The following SDK2 variants were observed in gnomAD, a reference collection of about 807,000 sequenced individuals.
SDK2 encodes the protein protein sidekick-2.
SDK2 carries 105 observed loss-of-function variants against 253.9 expected under a neutral mutation model. That is an observed-to-expected ratio of 0.41 (90% CI 0.35 to 0.49). SDK2 has a LOEUF of 0.49. Among genes scored for constraint, SDK2 ranks in the 20% least tolerant of loss-of-function variants. The pLI is 0.06. For synonymous variants in SDK2, 1,249 were observed against 1,234.9 expected, an observed-to-expected ratio of 1.01 and a Z score of -0.24; for missense variants, 2,608 against 3,003.0, an observed-to-expected ratio of 0.87 and a Z score of 3.07.
chr17:73,470,329 G>A (rs566362019), intron 3 of SDK2, among the ~76,000 whole-genome samples: 31 of 151,882 alleles, frequency 2.0e-4, no homozygotes, highest in African/African-American at 2.7e-4. Context: ...GCACACACCC[G>A]CACATATACA....
At chr17:73,554,726 T>C (rs9913193) in intron 1 of SDK2, among the ~76,000 whole-genome samples, 40,977 of 152,162 alleles carry the variant, frequency 0.27, 5,665 homozygotes, top group East Asian at 0.48. Flanking sequence ...CATCCTCCTC[T>C]ATCTCTGCAA....
At position 73,455,865 on chromosome 17, in the gene SDK2, A is replaced by G; in HGVS notation, c.479+41T>C. 2 of 1,506,182 alleles carry G rather than the reference A, an allele frequency of 1.3e-6. No homozygotes were observed. The highest frequency in any genetic ancestry group is 1.8e-6 in the Non-Finnish European group (2 of 1,127,568). The allele number at this position is 1,506,182 out of a possible 1,614,324, so 93.3% of individuals were successfully genotyped here. A position where few individuals can be genotyped will look rare whatever the true frequency, so the allele number is the denominator to read the frequency against. Reference sequence around the variant, plus strand: ...TCTGGCCCCAAACCTCCTCCCCCAGACACCCCTCCCCTCCCCGTCCCCTCA... The same window carrying G: ...TCTGGCCCCAAACCTCCTCCCCCAGGCACCCCTCCCCTCCCCGTCCCCTCA... On this transcript the variant is annotated intron_variant, in intron 4 of 44. Coordinates refer to ENST00000392650, the MANE Select transcript of SDK2 (RefSeq NM_001144952.2). This position sits in a 1 kb window ranked among gnomAD's most constrained non-coding sequence, Gnocchi z 5.0.
chr17:73,569,603 G>T (rs533781505), intron 1 of SDK2, among the ~76,000 whole-genome samples: 1 of 145,846 alleles, frequency 6.9e-6, no homozygotes, highest in Non-Finnish European at 1.5e-5. Context: ...CACCCCCAAC[G>T]AATTAAATCA....
chr17:73,399,304 C>T lies in SDK2; in HGVS notation c.2972-15G>A, dbSNP rs767807054. On this transcript the variant is annotated splice_polypyrimidine_tract_variant and intron_variant, in intron 21 of 44. Coordinates refer to ENST00000392650, the MANE Select transcript of SDK2 (RefSeq NM_001144952.2). ...CCCTGGGAGTTCTGGAAAAGGAGAA[C>T]AGGGTGGGGAAGGAGATCCGGTGAG... 3.7e-5 allele frequency: 59 copies of T among 1,613,374 alleles called. No homozygotes were observed. The highest frequency in any genetic ancestry group is 2.1e-5 in the Non-Finnish European group (25 of 1,179,708).
At chr17:73,506,106 A>T (rs1302766641) in intron 2 of SDK2, among the ~76,000 whole-genome samples, 1 of 152,248 alleles carries the variant, frequency 6.6e-6, no homozygotes, top group African/African-American at 2.4e-5. Flanking sequence ...CACGTGTGGT[A>T]TGCCATCCCA....
intron 44 of SDK2, among the ~76,000 whole-genome samples, chr17:73,341,230 C>CTTTTTTTT (rs11347151): frequency 8.3e-6 from 1 of 120,290 alleles, no homozygotes; most frequent in Non-Finnish European, 1.8e-5. Flanking sequence ...TTATTCCTGA[C>CTTTTTTTT]TTTTTTTTTT....
chr17:73,458,760 C>T (rs1445484723), intron 3 of SDK2, among the ~76,000 whole-genome samples: 1 of 152,190 alleles, frequency 6.6e-6, no homozygotes, highest in East Asian at 1.9e-4. Context: ...AATCCCAGCA[C>T]TTTGGGAGGC....
chr17:73,602,801 A>G (rs1342269422), intron 1 of SDK2, among the ~76,000 whole-genome samples: 1 of 151,976 alleles, frequency 6.6e-6, no homozygotes, highest in African/African-American at 2.4e-5. Flanking sequence ...ATCTCGGCTC[A>G]CTGCAAGCTC....
intron 1 of SDK2, among the ~76,000 whole-genome samples, chr17:73,585,875 C>T (rs1000037065): frequency 6.6e-6 from 1 of 152,194 alleles, no homozygotes; most frequent in African/African-American, 2.4e-5. Flanking sequence ...ACGTCTCTAA[C>T]ATAAAGACTG....
intron 21 of SDK2, 104 bp from the exon 22 acceptor site, chr17:73,399,393 G>A: frequency 8.0e-7 from 1 of 1,253,278 alleles, no homozygotes; most frequent in East Asian, 2.4e-5. Context: ...CGCTTTTCCT[G>A]GAAATGTCTG....
intron 1 of SDK2, among the ~76,000 whole-genome samples, chr17:73,594,922 T>A (rs1264302681): frequency 6.6e-6 from 1 of 151,980 alleles, no homozygotes; most frequent in Non-Finnish European, 1.5e-5. Flanking sequence ...AGCACACACC[T>A]GCACACAGCA....
chr17:73,566,309 TTATA>T (rs748211880), intron 1 of SDK2, among the ~76,000 whole-genome samples: 2 of 146,990 alleles, frequency 1.4e-5, no homozygotes, highest in African/African-American at 5.2e-5. Flanking sequence ...AATAAAATTC[TTATA>T]TATATATGTG....
At chr17:73,569,151 G>A (rs913134290) in intron 1 of SDK2, among the ~76,000 whole-genome samples, 2 of 151,898 alleles carry the variant, frequency 1.3e-5, no homozygotes, top group Non-Finnish European at 2.9e-5. Context: ...GATAGAGCTG[G>A]GGTTGAAAGC....
At chr17:73,354,267 G>A (rs1353806093) in intron 40 of SDK2, among the ~76,000 whole-genome samples, 3 of 152,220 alleles carry the variant, frequency 2.0e-5, no homozygotes, top group Non-Finnish European at 4.4e-5. Context: ...AGCCACCTCT[G>A]TCCTTTGCAC....
chr17:73,430,990 G>A (rs2063321791), intron 11 of SDK2, among the ~76,000 whole-genome samples: 1 of 152,160 alleles, frequency 6.6e-6, no homozygotes, highest in African/African-American at 2.4e-5. Context: ...GGCTTGAGAA[G>A]CTCTCTTACA....
chr17:73,629,774 T>G lies in SDK2; in HGVS notation c.64+14251A>C, dbSNP rs1056948393. Among the ~76,000 whole-genome samples, 8 of 152,132 alleles carry G rather than the reference T, an allele frequency of 5.3e-5. No individual in the cohort carries two copies. The East Asian group carries it at 1.5e-3, about 29-fold the overall frequency. ...GCTGGATCCTGGGCACCTCACTTAG[T>G]ATACAGATGGTGCTTAGTAAGTGCA... On this transcript the variant is annotated intron_variant, in intron 1 of 44. Coordinates refer to ENST00000392650, the MANE Select transcript of SDK2 (RefSeq NM_001144952.2). This position sits in a 1 kb window ranked among gnomAD's most constrained non-coding sequence, Gnocchi z 5.0.
chr17:73,579,031 G>A (rs1044725878), intron 1 of SDK2, among the ~76,000 whole-genome samples: 4 of 152,090 alleles, frequency 2.6e-5, no homozygotes, highest in African/African-American at 7.2e-5. Context: ...AGGGACCCAG[G>A]AGCCATCCCC....
intron 3 of SDK2, among the ~76,000 whole-genome samples, chr17:73,456,632 G>A (rs1669440417): frequency 6.6e-6 from 1 of 152,204 alleles, no homozygotes; most frequent in African/African-American, 2.4e-5. Context: ...TGTGTAGTGT[G>A]TAGTGTGTGA....
chr17:73,384,085 C>A, intron 32 of SDK2, 74 bp from the exon 33 acceptor site: 1 of 1,483,634 alleles, frequency 6.7e-7, no homozygotes, highest in Non-Finnish European at 9.2e-7. Context: ...TCTCATCATG[C>A]CTCCTGCAGC....
Sources: allele counts gnomAD v4.1 joint callset (sites outside exome capture counted in the v4.1 genomes callset), GRCh38; gene constraint gnomAD v4.1.1; non-coding constraint Gnocchi (gnomAD v3.1); transcripts MANE v1.5; gene names NCBI Gene and HGNC (gene_info 2026-07-23, HGNC 2026-07-21).